NEDD4: variants seen among roughly 807,000 people sequenced by gnomAD.
NEDD4 encodes E3 ubiquitin-protein ligase NEDD4.
In NEDD4, 99 loss-of-function variants were observed where a neutral mutation model predicts 144.9. The observed-to-expected ratio is 0.68, with a 90% CI of 0.58 to 0.81. The LOEUF (loss-of-function observed/expected upper bound fraction) is 0.81, where lower values mean the gene tolerates loss of function less well. NEDD4 is among the 30% of genes least tolerant of loss of function. The pLI, the probability that NEDD4 is intolerant of heterozygous loss-of-function variation, is 0.00. For missense variants in NEDD4, 985 were observed against 1,065.9 expected (o/e 0.92, Z 1.06); for synonymous variants, 318 against 350.6 (o/e 0.91, Z 1.04).
At chr15:55,857,304 A>G (rs1207037664) in intron 11 of NEDD4, among the ~76,000 whole-genome samples, 3 of 152,130 alleles carry the variant, frequency 2.0e-5, no homozygotes, top group Non-Finnish European at 4.4e-5. Flanking sequence ...ATTAGTGGTA[A>G]GATAGAAGGT....
intron 8 of NEDD4, among the ~76,000 whole-genome samples, chr15:55,865,575 A>G (rs1451883561): frequency 6.6e-6 from 1 of 152,026 alleles, no homozygotes; most frequent in Non-Finnish European, 1.5e-5. Context: ...ACCAAATGAC[A>G]AAGTGGCAAA....
At chr15:55,832,200 G>C (rs1473092349) in intron 27 of NEDD4, among the ~76,000 whole-genome samples, 1 of 127,248 alleles carries the variant, frequency 7.9e-6, no homozygotes, top group Admixed American at 8.0e-5. Flanking sequence ...AAAAAAAAAA[G>C]ATTTCATGAT....
At chr15:55,957,988 A>C (rs1668310754) in intron 2 of NEDD4, among the ~76,000 whole-genome samples, 1 of 152,186 alleles carries the variant, frequency 6.6e-6, no homozygotes, top group African/African-American at 2.4e-5. Context: ...GGAAGGGGTG[A>C]GGGATAGCAT....
At chr15:55,966,019 T>G (rs757254601) in intron 2 of NEDD4, among the ~76,000 whole-genome samples, 4 of 152,150 alleles carry the variant, frequency 2.6e-5, no homozygotes, top group Non-Finnish European at 5.9e-5. Flanking sequence ...GACTACAATT[T>G]TTCCAGGTTC....
chr15:55,894,536 C>G (rs1409166564), intron 5 of NEDD4, among the ~76,000 whole-genome samples: 2 of 152,124 alleles, frequency 1.3e-5, no homozygotes, highest in Non-Finnish European at 2.9e-5. Flanking sequence ...CTTAGAAACC[C>G]TCACATCTTT....
intron 4 of NEDD4, among the ~76,000 whole-genome samples, chr15:55,931,020 T>C (rs952533274): frequency 1.3e-5 from 2 of 152,134 alleles, no homozygotes; most frequent in Non-Finnish European, 2.9e-5. Context: ...GGCATATAAC[T>C]GTGAAATTTT....
rs973895329 is a variant in NEDD4, at chr15:55,993,418, G to C, written c.45+93C>G. On this transcript the variant is annotated intron_variant, in intron 1 of 28. Coordinates refer to ENST00000435532, the MANE Select transcript of NEDD4 (RefSeq NM_006154.4). ...CGAGGGAGGAGGGGCTGACAGCAGA[G>C]CCTCCGGTCGTGGCCGCCGCCGCTA... 51 of 1,471,582 alleles carry C rather than the reference G, an allele frequency of 3.5e-5. No individual in the cohort carries two copies. The East Asian group carries it at 1.3e-3, about 38-fold the overall frequency. 91.2% of individuals were successfully genotyped at this position (1,471,582 alleles called of 1,614,324 possible).
At chr15:55,899,502 G>C (rs1455458640) in intron 5 of NEDD4, among the ~76,000 whole-genome samples, 1 of 152,118 alleles carries the variant, frequency 6.6e-6, no homozygotes, top group Non-Finnish European at 1.5e-5. Flanking sequence ...TGTTGCTTAA[G>C]AAAATAACTC....
At chr15:55,938,762 T>C (rs967151981) in intron 4 of NEDD4, among the ~76,000 whole-genome samples, 2 of 151,454 alleles carry the variant, frequency 1.3e-5, no homozygotes, top group Admixed American at 6.6e-5. Flanking sequence ...GGAACTCCCA[T>C]AACCCAATAG....
intron 18 of NEDD4, among the ~76,000 whole-genome samples, chr15:55,844,442 G>A (rs2033655549): frequency 6.6e-6 from 1 of 152,150 alleles, no homozygotes; most frequent in Non-Finnish European, 1.5e-5. Context: ...AGGGACCTGT[G>A]AAGGAGCAAT....
At chr15:55,870,779 C>A (rs751095109) in intron 7 of NEDD4, among the ~76,000 whole-genome samples, 1 of 152,062 alleles carries the variant, frequency 6.6e-6, no homozygotes, top group African/African-American at 2.4e-5. Context: ...AAGCAATCCA[C>A]CCACCTAAGC....
At chr15:55,937,046 G>A (rs1391940231) in intron 4 of NEDD4, among the ~76,000 whole-genome samples, 2 of 151,996 alleles carry the variant, frequency 1.3e-5, no homozygotes, top group African/African-American at 2.4e-5. Flanking sequence ...ACCCTCCTCG[G>A]CCTCCCAAAG....
At chr15:55,849,178 T>C (rs1169283300) in intron 14 of NEDD4, among the ~76,000 whole-genome samples, 1 of 152,198 alleles carries the variant, frequency 6.6e-6, no homozygotes, top group Non-Finnish European at 1.5e-5. Flanking sequence ...CTTTTCTCTA[T>C]GTAAAAACTG....
chr15:55,990,004 A>G (rs2140458316), intron 1 of NEDD4, among the ~76,000 whole-genome samples: 1 of 152,006 alleles, frequency 6.6e-6, no homozygotes, highest in East Asian at 1.9e-4. Flanking sequence ...TGTCCATGCA[A>G]GCGATCTAGG....
At position 55,951,392 on chromosome 15, in the gene NEDD4, T is replaced by C; in HGVS notation, c.221A>G (p.Glu74Gly). 1.0e-6 allele frequency: 1 copy of C among 990,362 alleles called. No homozygotes were observed. The highest frequency in any genetic ancestry group is 1.5e-6 in the Non-Finnish European group (1 of 674,558). 61.3% of individuals were successfully genotyped at this position (990,362 alleles called of 1,614,324 possible). A position where few individuals can be genotyped will look rare whatever the true frequency, so the allele number is the denominator to read the frequency against. Residue 74 changes from glutamate (E) to glycine (G), a missense_variant, in exon 4 of 29, where the codon GAA becomes GGA. Physicochemically the swap from Glu to Gly is moderately conservative, Grantham distance 98. Transcript: ENST00000435532. ...IKKSLNPKWN[E>G]EILFRVHPQQ... Reference sequence around the variant, plus strand: ...TATACTTACTCTGAATAATATTTCTTCATTCCACTTTGGATTCAAACTCTA... The same window carrying C: ...TATACTTACTCTGAATAATATTTCTCCATTCCACTTTGGATTCAAACTCTA...
intron 1 of NEDD4, among the ~76,000 whole-genome samples, chr15:55,983,502 G>T (rs201100393): frequency 0.062 from 9,382 of 151,846 alleles, 376 homozygotes; most frequent in East Asian, 0.16. Flanking sequence ...ACTCAATGGG[G>T]TTCTATTGCC....
At chr15:55,878,529 G>A (rs1440811117) in intron 5 of NEDD4, among the ~76,000 whole-genome samples, 2 of 152,174 alleles carry the variant, frequency 1.3e-5, no homozygotes, top group African/African-American at 4.8e-5. Flanking sequence ...ACAAATATTG[G>A]TCAGGGTGTG....
chr15:55,852,743 T>TGAGAGA (rs150677409), intron 12 of NEDD4, among the ~76,000 whole-genome samples, 200 bp from the exon 13 acceptor site: 2 of 139,498 alleles, frequency 1.4e-5, no homozygotes, highest in African/African-American at 5.5e-5. Flanking sequence ...TCTGAGAGAG[T>TGAGAGA]GAGAGAGAGA....
At chr15:55,932,284 G>C (rs1234365657) in intron 4 of NEDD4, among the ~76,000 whole-genome samples, 3 of 152,208 alleles carry the variant, frequency 2.0e-5, no homozygotes, top group African/African-American at 4.8e-5. Flanking sequence ...CAAGGATACA[G>C]TAACCAAAAC....
Sources: gnomAD v4.1 joint callset for allele counts (sites outside exome capture counted in the v4.1 genomes callset) on GRCh38, gnomAD v4.1.1 for gene constraint, MANE v1.5 for transcripts, NCBI Gene and HGNC (gene_info 2026-07-23, HGNC 2026-07-21) for gene names.